Variants in SYT9 observed in about 807,000 individuals in gnomAD.
SYT9 encodes the protein synaptotagmin-9.
Under a neutral mutation model 48.4 loss-of-function variants are expected in SYT9, and 22 were observed. That is an observed-to-expected ratio of 0.45 (90% CI 0.32 to 0.65). The LOEUF (loss-of-function observed/expected upper bound fraction) is 0.65. SYT9 is among the 30% of genes least tolerant of loss of function. The pLI, the probability that SYT9 is intolerant of heterozygous loss-of-function variation, is 0.03. For synonymous variants in SYT9, 265 were observed against 245.0 expected, an observed-to-expected ratio of 1.08 and a Z score of -0.76; for missense variants, 577 against 622.0, an observed-to-expected ratio of 0.93 and a Z score of 0.77.
At chr11:7,460,768 T>C (rs1440862363) in intron 6 of SYT9, among the ~76,000 whole-genome samples, 7 of 152,244 alleles carry the variant, frequency 4.6e-5, no homozygotes, top group African/African-American at 1.7e-4. Context: ...GATAACAACA[T>C]GTGTATTGCA....
upstream of SYT9, among the ~76,000 whole-genome samples, chr11:7,251,050 A>T (rs1847857023): frequency 6.6e-6 from 1 of 152,070 alleles, no homozygotes; most frequent in African/African-American, 2.4e-5. Context: ...TTGTTGGGCT[A>T]TGTACAGAAT....
At chr11:7,301,522 G>A (rs550803206) in intron 1 of SYT9, among the ~76,000 whole-genome samples, 1 of 152,288 alleles carries the variant, frequency 6.6e-6, no homozygotes, top group East Asian at 1.9e-4. Flanking sequence ...GCAGTGCTGT[G>A]CATAGTTGAA....
intron 3 of SYT9, among the ~76,000 whole-genome samples, chr11:7,394,182 A>C (rs180719989): frequency 2.0e-5 from 3 of 151,464 alleles, no homozygotes; most frequent in African/African-American, 7.3e-5. Context: ...TCATTGTTCA[A>C]TTCCCACCTA....
rs1589886966 is a variant in SYT9 at position 7,252,726 on chromosome 11, C to G, written c.145+395C>G. Among the ~76,000 whole-genome samples the G allele has an allele frequency of 6.6e-6, 1 of 152,342 alleles. No individual in the cohort carries two copies. The highest frequency in any genetic ancestry group is 1.5e-5 in the Non-Finnish European group (1 of 68,040). ...GGAAGGGGGACGAGGCCGAAGGAAA[C>G]TCTGGGAAGTTGGGAGTTGGGGACG... On this transcript the variant is annotated intron_variant, in intron 1 of 6. Coordinates refer to ENST00000318881, the MANE Select transcript of SYT9 (RefSeq NM_175733.4). The surrounding 1 kb of genome is among the most constrained non-coding windows in gnomAD (Gnocchi z 6.3).
intron 1 of SYT9, among the ~76,000 whole-genome samples, chr11:7,297,512 G>C (rs1410374478): frequency 2.0e-5 from 3 of 152,202 alleles, no homozygotes; most frequent in Middle Eastern, 3.4e-3. Flanking sequence ...AACATTTCTT[G>C]TTTTGTCAAT....
chr11:7,455,185 G>A (rs929272779), intron 6 of SYT9, among the ~76,000 whole-genome samples: 2 of 127,604 alleles, frequency 1.6e-5, no homozygotes, highest in African/African-American at 6.3e-5. Context: ...AAGGGCCTTT[G>A]TTTCTGTCTC....
intron 1 of SYT9, among the ~76,000 whole-genome samples, chr11:7,283,536 C>A (rs984796467): frequency 6.6e-6 from 1 of 151,764 alleles, no homozygotes; most frequent in South Asian, 2.1e-4. Flanking sequence ...AGAACATTAC[C>A]CTTTGTCAAA....
chr11:7,376,375 C>CT, intron 3 of SYT9, among the ~76,000 whole-genome samples: 1 of 121,514 alleles, frequency 8.2e-6, no homozygotes, highest in Non-Finnish European at 1.8e-5. Flanking sequence ...CTTCCTCCTC[C>CT]CCTCCCCTCT....
At chr11:7,267,605 A>G (rs972810587) in intron 1 of SYT9, among the ~76,000 whole-genome samples, 3 of 151,966 alleles carry the variant, frequency 2.0e-5, no homozygotes, top group African/African-American at 7.2e-5. Flanking sequence ...ACAATTTCTA[A>G]TTCTCAGTTG....
chr11:7,386,495 A>C (rs1048883585), intron 3 of SYT9, among the ~76,000 whole-genome samples: 1 of 152,142 alleles, frequency 6.6e-6, no homozygotes, highest in Admixed American at 6.6e-5. Flanking sequence ...AAGGATATGA[A>C]CAGACACTTC....
intron 6 of SYT9, chr11:7,438,018 A>C (rs1161519354): frequency 1.3e-5 from 2 of 152,224 alleles, no homozygotes; most frequent in African/African-American, 2.4e-5. Context: ...AGTGCTGTGG[A>C]CAGAGAGATG....
At chr11:7,453,201 G>A (rs1429311207) in intron 6 of SYT9, among the ~76,000 whole-genome samples, 5 of 152,080 alleles carry the variant, frequency 3.3e-5, no homozygotes, top group Non-Finnish European at 2.9e-5. Context: ...GACCAGCCTG[G>A]GAGACATACT....
chr11:7,388,511 A>T (rs1011010526), intron 3 of SYT9, among the ~76,000 whole-genome samples: 4 of 151,424 alleles, frequency 2.6e-5, no homozygotes, highest in African/African-American at 7.3e-5. Context: ...TCTTGTATTT[A>T]TTTCCTTCAT....
Position 7,367,248 on chromosome 11 carries a change from ATT to A in SYT9, c.1045-48778_1045-48777del, listed in dbSNP as rs71056801. 5.9e-3 allele frequency among the ~76,000 whole-genome samples: 777 copies of A among 131,116 alleles called. 3 individuals are homozygous for A. The highest frequency in any genetic ancestry group is 0.015 in the African/African-American group (541 of 35,240). The allele number at this position is 131,116 out of a possible 152,430, so 86.0% of individuals were successfully genotyped here. A position where few individuals can be genotyped will look rare whatever the true frequency, so the allele number is the denominator to read the frequency against. ...AGGCGCCCGCCACTACGCCCGGCTA[ATT>A]TTTTTTTTTTTTTTTGGTATTTTTA... On this transcript the variant is annotated intron_variant, in intron 3 of 6. Transcript: ENST00000318881.
chr11:7,427,732 G>A (rs1847491231), intron 6 of SYT9: 1 of 152,212 alleles, frequency 6.6e-6, no homozygotes, highest in Non-Finnish European at 1.5e-5. Context: ...TTCAGATTTT[G>A]TTGTAAAAAA....
chr11:7,297,766 C>A (rs1216365635), intron 1 of SYT9, among the ~76,000 whole-genome samples: 1 of 152,160 alleles, frequency 6.6e-6, no homozygotes, highest in Admixed American at 6.5e-5. Context: ...TGAAAGATGA[C>A]TTTTTCAGCC....
In SYT9 at chr11:7,418,920, A is replaced by G. The variant is rs570719839; in HGVS notation, c.1337+792A>G. 2.6e-5 allele frequency among the ~76,000 whole-genome samples: 4 copies of G among 152,362 alleles called. No homozygotes were observed. The East Asian group carries it at 7.7e-4, about 29-fold the overall frequency. On this transcript the variant is annotated intron_variant, in intron 5 of 6. Coordinates refer to ENST00000318881, the MANE Select transcript of SYT9 (RefSeq NM_175733.4). Reference sequence around the variant, plus strand: ...TGGTCTGGACACAATTATTAAAAAAAATATTCTGACTTCTAATATTATTTG... The same window carrying G: ...TGGTCTGGACACAATTATTAAAAAAGATATTCTGACTTCTAATATTATTTG...
chr11:7,380,309 G>C (rs1850537497), intron 3 of SYT9, among the ~76,000 whole-genome samples: 1 of 152,162 alleles, frequency 6.6e-6, no homozygotes, highest in Non-Finnish European at 1.5e-5. Flanking sequence ...GGCTGGGGGA[G>C]TGTGGGGATG....
At chr11:7,394,351 T>C (rs1008222636) in intron 3 of SYT9, among the ~76,000 whole-genome samples, 1 of 152,162 alleles carries the variant, frequency 6.6e-6, no homozygotes, top group Non-Finnish European at 1.5e-5. Flanking sequence ...TTTCTTAATC[T>C]AGTCTATCAT....
Sources: gnomAD v4.1 joint callset for allele counts (sites outside exome capture counted in the v4.1 genomes callset) on GRCh38, gnomAD v4.1.1 for gene constraint, Gnocchi (gnomAD v3.1) non-coding constraint, MANE v1.5 for transcripts, NCBI Gene and HGNC (gene_info 2026-07-23, HGNC 2026-07-21) for gene names.